KALRN: variants seen among roughly 807,000 people sequenced by gnomAD.
KALRN encodes the protein kalirin.
In KALRN, 70 loss-of-function variants were observed where a neutral mutation model predicts 353.7. The observed-to-expected ratio is 0.20, with a 90% CI of 0.16 to 0.24. The LOEUF is 0.24. Among genes scored for constraint, KALRN ranks in the 10% least tolerant of loss-of-function variants. KALRN has a pLI of 1.00. For synonymous variants in KALRN, 1,391 were observed against 1,434.8 expected, an observed-to-expected ratio of 0.97 and a Z score of 0.69; for missense variants, 2,791 against 3,756.7, an observed-to-expected ratio of 0.74 and a Z score of 6.72.
At chr3:124,081,853 G>C (rs1414944597) in intron 1 of KALRN, among the ~76,000 whole-genome samples, 1 of 152,188 alleles carries the variant, frequency 6.6e-6, no homozygotes, top group Non-Finnish European at 1.5e-5. Context: ...GCATGTATGT[G>C]TGCATTGACA....
intron 1 of KALRN, among the ~76,000 whole-genome samples, chr3:124,080,505 G>A (rs2060485970): frequency 6.6e-6 from 1 of 152,128 alleles, no homozygotes; most frequent in Non-Finnish European, 1.5e-5. Context: ...GTGTATGTGT[G>A]TTTGAGGTTA....
At chr3:124,564,552 C>T (rs2072548651) in intron 34 of KALRN, among the ~76,000 whole-genome samples, 2 of 152,038 alleles carry the variant, frequency 1.3e-5, no homozygotes, top group African/African-American at 2.4e-5. Context: ...TGGCACACAC[C>T]CATAGTTCCA....
chr3:124,490,635 A>C, intron 29 of KALRN, 59 bp from the exon 30 acceptor site: 2 of 1,519,138 alleles, frequency 1.3e-6, no homozygotes, highest in South Asian at 2.4e-5. Context: ...GGGGTGGAAC[A>C]TGGCCCCCTG....
At position 124,037,459 on chromosome 3, in the gene KALRN, G is replaced by C. The variant is rs186122099; in HGVS notation, c.73+3646G>C. Among the ~76,000 whole-genome samples, 85 of 152,310 alleles carry C rather than the reference G, an allele frequency of 5.6e-4. No homozygotes were observed. The East Asian group carries it at 0.014, about 25-fold the overall frequency. On this transcript the variant is annotated intron_variant, in intron 1 of 59. Transcript: ENST00000682506. ...TGGAGAAGTGGGGCAGGGTCAAATA[G>C]GGAGAGTCTTGAAAGCACAAGAGTG... is the stretch of plus-strand genomic sequence containing the variant.
At chr3:124,533,170 C>G (rs1378363950) in intron 33 of KALRN, among the ~76,000 whole-genome samples, 1 of 151,794 alleles carries the variant, frequency 6.6e-6, no homozygotes, top group African/African-American at 2.4e-5. Flanking sequence ...GGTAGGATCA[C>G]TTGAGTCTAG....
chr3:124,168,598 C>T (rs1210873059), intron 1 of KALRN, among the ~76,000 whole-genome samples: 2 of 152,188 alleles, frequency 1.3e-5, no homozygotes, highest in Non-Finnish European at 2.9e-5. Context: ...TCAGTGATAC[C>T]ACTTTCTTTC....
intron 33 of KALRN, among the ~76,000 whole-genome samples, chr3:124,503,982 C>G (rs1178071197): frequency 6.6e-6 from 1 of 152,154 alleles, no homozygotes; most frequent in African/African-American, 2.4e-5. Context: ...TCTGCAAAAG[C>G]AAGTAAGTTT....
intron 1 of KALRN, among the ~76,000 whole-genome samples, chr3:124,199,133 T>G (rs1257798600): frequency 6.6e-6 from 1 of 152,216 alleles, no homozygotes; most frequent in Non-Finnish European, 1.5e-5. Context: ...AGTTCCTGAG[T>G]GGGAGACACA....
chr3:124,352,148 C>T (rs955503219), intron 10 of KALRN, among the ~76,000 whole-genome samples: 5 of 152,030 alleles, frequency 3.3e-5, no homozygotes, highest in African/African-American at 7.3e-5. Flanking sequence ...CTAAGGCCAC[C>T]GAGTAGTTTT....
chr3:124,658,613 A>G (rs368614804), intron 42 of KALRN, 96 bp downstream of exon 42: 5 of 878,606 alleles, frequency 5.7e-6, no homozygotes, highest in Middle Eastern at 2.1e-4. Context: ...TCCATATGTG[A>G]CCCCCACACA....
At chr3:124,247,810 GA>G (rs1420474357) in intron 3 of KALRN, among the ~76,000 whole-genome samples, 2 of 151,986 alleles carry the variant, frequency 1.3e-5, no homozygotes, top group Non-Finnish European at 2.9e-5. Flanking sequence ...CTGTTGCAGA[GA>G]ATTTAGCTTG....
At chr3:124,051,160 G>A (rs1233223613) in intron 1 of KALRN, among the ~76,000 whole-genome samples, 1 of 152,202 alleles carries the variant, frequency 6.6e-6, no homozygotes, top group Non-Finnish European at 1.5e-5. Flanking sequence ...CAGCAAGCAT[G>A]TAGTGAGCAC....
intron 5 of KALRN, among the ~76,000 whole-genome samples, chr3:124,286,275 C>T (rs2075897633): frequency 6.7e-6 from 1 of 148,206 alleles, no homozygotes; most frequent in African/African-American, 2.5e-5. Context: ...CTCTTTCTCC[C>T]TTCCTCTTCC....
intron 34 of KALRN, among the ~76,000 whole-genome samples, chr3:124,572,835 C>G (rs564087670): frequency 6.6e-6 from 1 of 152,186 alleles, no homozygotes; most frequent in African/African-American, 2.4e-5. Context: ...CCCAGGAGTT[C>G]CAGACCAGCC....
At chr3:124,563,557 G>A (rs1214390964) in intron 34 of KALRN, among the ~76,000 whole-genome samples, 2 of 152,204 alleles carry the variant, frequency 1.3e-5, no homozygotes, top group Admixed American at 1.3e-4. Flanking sequence ...CCACAGCTGA[G>A]TCAGATCTGA....
chr3:124,312,817 A>G (rs4410400), intron 6 of KALRN, among the ~76,000 whole-genome samples: 9,555 of 152,288 alleles, frequency 0.063, 945 homozygotes, highest in East Asian at 0.47. Flanking sequence ...TAACGCAAAG[A>G]GAATTTTGCC....
intron 34 of KALRN, among the ~76,000 whole-genome samples, chr3:124,566,454 A>G (rs1427133562): frequency 6.6e-6 from 1 of 151,742 alleles, no homozygotes; most frequent in Non-Finnish European, 1.5e-5. Context: ...GCAGTGAGCC[A>G]TGATCATACC....
In KALRN at chr3:124,667,137, G is replaced by A; in HGVS notation, c.6657G>A (p.Val2219=). ...AANADIQQAW[V]QDINQVLETQ... Reference sequence around the variant, plus strand: ...ACGCTGACATCCAGCAGGCCTGGGTGCAGGACATCAATCAAGTCTTAGAAA... The same window carrying A: ...ACGCTGACATCCAGCAGGCCTGGGTACAGGACATCAATCAAGTCTTAGAAA... The change falls in exon 47 of 60, where the codon GTG becomes GTA. Residue 2219 remains valine, a synonymous_variant. Coordinates refer to ENST00000682506, the MANE Select transcript of KALRN (RefSeq NM_001388419.1). 6.2e-7 allele frequency: 1 copy of A among 1,614,190 alleles called. No homozygotes were observed. Among genetic ancestry groups the A allele is most frequent in the Non-Finnish European group, 8.5e-7 (1 of 1,180,028 alleles).
At chr3:124,624,821 AGGCATT>A (rs2079751319) in intron 34 of KALRN, among the ~76,000 whole-genome samples, 1 of 152,228 alleles carries the variant, frequency 6.6e-6, no homozygotes. Context: ...AAGAGATTGC[AGGCATT>A]GGTCTTAGGA....
Sources: gnomAD v4.1 joint callset for allele counts (sites outside exome capture counted in the v4.1 genomes callset) on GRCh38, gnomAD v4.1.1 for gene constraint, MANE v1.5 for transcripts, NCBI Gene and HGNC (gene_info 2026-07-23, HGNC 2026-07-21) for gene names.